MAN2B2: variants seen among roughly 807,000 people sequenced by gnomAD.
MAN2B2 encodes epididymis-specific alpha-mannosidase.
Under a neutral mutation model 117.1 loss-of-function variants are expected in MAN2B2, and 106 were observed. The ratio of observed to expected loss-of-function variants is 0.90; its 90% CI spans 0.77 to 1.06. The LOEUF (loss-of-function observed/expected upper bound fraction) is 1.06, where lower values mean the gene tolerates loss of function less well. MAN2B2 is among the 50% of genes least tolerant of loss of function. The probability of loss-of-function intolerance (pLI) is 0.00; values close to 1 mark genes in which losing one functional copy is unlikely to be tolerated. For missense variants in MAN2B2, 1,326 were observed against 1,381.4 expected, an observed-to-expected ratio of 0.96 and a Z score of 0.64; for synonymous variants, 544 against 595.1, an observed-to-expected ratio of 0.91 and a Z score of 1.25.
At chr4:6,587,910 A>T in intron 4 of MAN2B2, among the ~76,000 whole-genome samples, 1 of 151,248 alleles carries the variant, frequency 6.6e-6, no homozygotes, top group Non-Finnish European at 1.5e-5. Flanking sequence ...GAGTGCCACC[A>T]CGCCCAGCTA....
intron 10 of MAN2B2, among the ~76,000 whole-genome samples, chr4:6,601,328 A>C (rs1727319517): frequency 6.6e-6 from 1 of 152,074 alleles, no homozygotes; most frequent in East Asian, 1.9e-4. Context: ...ACATGGGGAA[A>C]CCTCGTCTCT....
At chr4:6,607,438 C>G (rs1285971527) in intron 11 of MAN2B2, among the ~76,000 whole-genome samples, 5 of 152,204 alleles carry the variant, frequency 3.3e-5, no homozygotes, top group Non-Finnish European at 7.3e-5. Flanking sequence ...CTCCTGAGCT[C>G]AAGTGATCCA....
At chr4:6,581,713 G>A (rs1363279795) in intron 3 of MAN2B2, among the ~76,000 whole-genome samples, 1 of 150,620 alleles carries the variant, frequency 6.6e-6, no homozygotes, top group Non-Finnish European at 1.5e-5. Flanking sequence ...CTAGACCTCT[G>A]ACCTTCTTCT....
intron 7 of MAN2B2, among the ~76,000 whole-genome samples, chr4:6,595,006 G>C (rs970877663): frequency 2.1e-4 from 32 of 152,346 alleles, no homozygotes; most frequent in African/African-American, 6.7e-4. Context: ...CTTTGCACAG[G>C]TGGTGCCTCC....
chr4:6,616,648 C>T (rs951114429), intron 16 of MAN2B2, among the ~76,000 whole-genome samples: 2 of 152,198 alleles, frequency 1.3e-5, no homozygotes, highest in Non-Finnish European at 2.9e-5. Flanking sequence ...GGCCACGCAG[C>T]CTCCCCTGAC....
Position 6,575,216 on chromosome 4 carries a change from G to T in MAN2B2, c.6G>T (p.Gly2=), listed in dbSNP as rs1425064453. The T allele has an allele frequency of 7.4e-6, 11 of 1,488,700 alleles. No individual in the cohort carries two copies. The highest frequency in any genetic ancestry group is 2.8e-5 in the African/African-American group (2 of 71,572). The allele number at this position is 1,488,700 out of a possible 1,614,324, so 92.2% of individuals were successfully genotyped here. A position where few individuals can be genotyped will look rare whatever the true frequency, so the allele number is the denominator to read the frequency against. M[G]QLCWLPLLAP... The stretch of plus-strand genomic sequence containing the variant: ...CTTCCCGGCCTGCCGCAGGGATGGG[G>T]CAGCTGTGCTGGCTGCCGCTGCTGG... The change falls in exon 1 of 19, where the codon GGG becomes GGT. Residue 2 remains glycine (G), a synonymous_variant. Coordinates refer to ENST00000285599, the MANE Select transcript of MAN2B2 (RefSeq NM_015274.3).
intron 11 of MAN2B2, among the ~76,000 whole-genome samples, chr4:6,606,889 G>T (rs1479332102): frequency 6.6e-6 from 1 of 152,246 alleles, no homozygotes; most frequent in African/African-American, 2.4e-5. Flanking sequence ...CCAGGGCAGT[G>T]TGGGTTGAAG....
chr4:6,577,757 AGCATGGCCT>A (rs1726124702), intron 2 of MAN2B2, among the ~76,000 whole-genome samples: 1 of 152,234 alleles, frequency 6.6e-6, no homozygotes, highest in Non-Finnish European at 1.5e-5. Flanking sequence ...CTCAAAGAGA[AGCATGGCCT>A]GCATGGCCCA....
intron 4 of MAN2B2, among the ~76,000 whole-genome samples, chr4:6,587,750 G>GTTTT (rs201846526): frequency 0.01 from 1,170 of 113,328 alleles, 56 homozygotes; most frequent in African/African-American, 0.038. Flanking sequence ...TTGGGTTGTT[G>GTTTT]TTTTTTTTTT....
intron 7 of MAN2B2, among the ~76,000 whole-genome samples, chr4:6,596,508 T>C (rs1727092997): frequency 6.6e-6 from 1 of 152,154 alleles, no homozygotes; most frequent in African/African-American, 2.4e-5. Context: ...CTGGGAGGGT[T>C]CAGCCCTCCT....
intron 9 of MAN2B2, among the ~76,000 whole-genome samples, chr4:6,598,827 T>C (rs1189614191): frequency 2.0e-5 from 3 of 152,128 alleles, no homozygotes. Context: ...AGGGGCCCGG[T>C]CCCTTCCTGG....
At chr4:6,594,477 C>A (rs1206867421) in intron 6 of MAN2B2, 57 bp from the exon 7 acceptor site, 1 of 1,566,934 alleles carries the variant, frequency 6.4e-7, no homozygotes. Flanking sequence ...CGGCCCACCC[C>A]CACTGGGCGA....
rs375529985 is a variant in MAN2B2 at position 6,614,255 on chromosome 4, G to A, written c.2601G>A (p.Glu867=). ...APKLPGPQQQ[E]AVTLPPNLHL... ...AGCTCCCAGGACCCCAGCAGCAAGA[G>A]GCCGTGACGCTGCCCCCGAATCTTC... The change falls in exon 16 of 19, where the codon GAG becomes GAA. Residue 867 remains glutamate, a synonymous_variant. Coordinates refer to ENST00000285599, the MANE Select transcript of MAN2B2 (RefSeq NM_015274.3). 2.0e-5 allele frequency: 32 copies of A among 1,613,980 alleles called. No individual in the cohort carries two copies. The highest frequency in any genetic ancestry group is 2.7e-5 in the Non-Finnish European group (32 of 1,180,006).
intron 16 of MAN2B2, among the ~76,000 whole-genome samples, chr4:6,616,791 G>A (rs1458870002): frequency 2.6e-5 from 4 of 152,184 alleles, no homozygotes; most frequent in Admixed American, 2.0e-4. Context: ...AGACCTGGGT[G>A]GGAATCCTCC....
chr4:6,618,005 G>T (rs1411777987), intron 17 of MAN2B2: 1 of 159,866 alleles, frequency 6.3e-6, no homozygotes, highest in Non-Finnish European at 1.4e-5. Context: ...GTGCCACCAC[G>T]CCCGGCTAAT....
At chr4:6,579,778 A>G (rs61254913) in intron 3 of MAN2B2, among the ~76,000 whole-genome samples, 2,887 of 152,258 alleles carry the variant, frequency 0.019, 91 homozygotes, top group African/African-American at 0.065. Flanking sequence ...CATTGTGTCC[A>G]CTGTCCTCAG....
At chr4:6,581,254 C>T (rs976435318) in intron 3 of MAN2B2, among the ~76,000 whole-genome samples, 2 of 152,046 alleles carry the variant, frequency 1.3e-5, no homozygotes, top group African/African-American at 4.8e-5. Flanking sequence ...GGCTGAGCCC[C>T]TCTCACTGGC....
At chr4:6,619,818 C>A in intron 17 of MAN2B2, 109 bp from the exon 18 acceptor site, 1 of 897,822 alleles carries the variant, frequency 1.1e-6, no homozygotes. Flanking sequence ...AGGACCTGGG[C>A]TCCTGAGGAC....
chr4:6,593,501 G>C (rs905904010), intron 6 of MAN2B2, 151 bp downstream of exon 6: 1 of 761,980 alleles, frequency 1.3e-6, no homozygotes, highest in African/African-American at 1.8e-5. Context: ...GCAGACCCCT[G>C]GGCCTCTCCC....
Sources: gnomAD v4.1 joint callset for allele counts (sites outside exome capture counted in the v4.1 genomes callset) on GRCh38, gnomAD v4.1.1 for gene constraint, MANE v1.5 for transcripts, NCBI Gene and HGNC (gene_info 2026-07-23, HGNC 2026-07-21) for gene names.